The following PTPRD variants were observed in gnomAD, a reference collection of about 807,000 sequenced individuals.
PTPRD encodes the protein protein tyrosine phosphatase receptor type D.
In PTPRD, 34 loss-of-function variants were observed where a neutral mutation model predicts 214.5. The observed-to-expected ratio is 0.16, with a 90% CI of 0.12 to 0.21. PTPRD has a LOEUF of 0.21. Ranked by LOEUF, PTPRD falls within the 10% of genes least tolerant of loss-of-function variation. The pLI is 1.00. For missense variants in PTPRD, 2,545 were observed against 2,398.7 expected, an observed-to-expected ratio of 1.06 and a Z score of -1.27; for synonymous variants, 1,128 against 845.7, an observed-to-expected ratio of 1.33 and a Z score of -5.79.
intron 4 of PTPRD, among the ~76,000 whole-genome samples, chr9:9,955,908 G>T (rs2093890271): frequency 1.3e-5 from 2 of 152,114 alleles, no homozygotes; most frequent in South Asian, 4.1e-4. Context: ...TCCTGAAACA[G>T]TATCAGAAGG....
At chr9:8,968,500 C>T (rs200342081) in intron 11 of PTPRD, among the ~76,000 whole-genome samples, 7 of 151,942 alleles carry the variant, frequency 4.6e-5, no homozygotes, top group Admixed American at 2.6e-4. Flanking sequence ...TTTCTCTGAT[C>T]GCCAGTGATG....
intron 2 of PTPRD, among the ~76,000 whole-genome samples, chr9:10,495,831 C>T (rs2041877063): frequency 6.6e-6 from 1 of 151,612 alleles, no homozygotes; most frequent in African/African-American, 2.4e-5. Context: ...GTATATGTTA[C>T]ATAGAATCTG....
rs1347557801 is a variant in PTPRD, at chr9:10,277,256, AC to A, written c.-545+63706del. Among the ~76,000 whole-genome samples the A allele has an allele frequency of 1.3e-4, 20 of 152,104 alleles. 1 individual carries two copies. Among genetic ancestry groups the A allele is most frequent in the Non-Finnish European group, 2.9e-5 (2 of 67,990 alleles). On this transcript the variant is annotated intron_variant, in intron 3 of 45. Transcript: ENST00000381196. ...CATAAAACATAAACATAAAAAAAAA[AC>A]AACAAACCCTGAGTTGAGTTATAAA... is the stretch of plus-strand genomic sequence containing the variant.
intron 6 of PTPRD, among the ~76,000 whole-genome samples, chr9:9,735,186 C>G (rs2098271643): frequency 6.6e-6 from 1 of 152,048 alleles, no homozygotes; most frequent in South Asian, 2.1e-4. Flanking sequence ...AGAGGAGACC[C>G]AGCACCTGCC....
chr9:8,559,853 GGA>G (rs2085461713), intron 14 of PTPRD, among the ~76,000 whole-genome samples: 2 of 152,156 alleles, frequency 1.3e-5, no homozygotes, highest in African/African-American at 4.8e-5. Context: ...CAATGTACAT[GGA>G]TAGCTTCCAA....
chr9:9,793,647 A>T (rs2098982376), intron 5 of PTPRD, among the ~76,000 whole-genome samples: 1 of 152,082 alleles, frequency 6.6e-6, no homozygotes. Flanking sequence ...TCAAGCGGGA[A>T]AAATTTTTTA....
intron 9 of PTPRD, among the ~76,000 whole-genome samples, chr9:9,283,603 T>C (rs531421682): frequency 6.6e-6 from 1 of 151,658 alleles, no homozygotes; most frequent in East Asian, 2.0e-4. Context: ...AGTATAAGTC[T>C]GCAGCTGCCT....
intron 14 of PTPRD, among the ~76,000 whole-genome samples, chr9:8,561,490 T>A (rs1259537061): frequency 2.6e-4 from 40 of 152,098 alleles, no homozygotes; most frequent in Admixed American, 2.6e-3. Context: ...GTACAAACTA[T>A]AACACAGGTG....
intron 5 of PTPRD, among the ~76,000 whole-genome samples, chr9:9,895,944 G>T (rs189726115): frequency 6.6e-6 from 1 of 151,886 alleles, no homozygotes; most frequent in East Asian, 1.9e-4. Context: ...TATATGGCAC[G>T]TAGGTAGAAG....
In PTPRD at chr9:9,281,732, C is replaced by G. The variant is rs115587707; in HGVS notation, c.-202-98369G>C. On this transcript the variant is annotated intron_variant, in intron 9 of 45. Coordinates refer to ENST00000381196, the MANE Select transcript of PTPRD (RefSeq NM_002839.4). ...AACATATTCTTACCATATAATCTCA[C>G]AATCACACTCCTTTGTATTTACTCA... is the stretch of plus-strand genomic sequence containing the variant. 1.0e-2 allele frequency among the ~76,000 whole-genome samples: 1,507 copies of G among 151,284 alleles called. 27 individuals are homozygous for G. Among genetic ancestry groups the G allele is most frequent in the African/African-American group, 0.034 (1,396 of 41,426 alleles).
Position 8,693,083 on chromosome 9 carries a change from C to T in PTPRD, c.64+40697G>A, listed in dbSNP as rs191401996. Among the ~76,000 whole-genome samples, 745 of 152,262 alleles carry T rather than the reference C, an allele frequency of 4.9e-3. 23 individuals are homozygous for T. Among genetic ancestry groups the T allele is most frequent in the Admixed American group, 0.045 (691 of 15,296 alleles). On this transcript the variant is annotated intron_variant, in intron 12 of 45. Coordinates refer to ENST00000381196, the MANE Select transcript of PTPRD (RefSeq NM_002839.4). Reference sequence around the variant, plus strand: ...AAATGGTAACTCTATGATTGTTAGGCCTATGTGGTATTATGCGCCGGGAGT... The same window carrying T: ...AAATGGTAACTCTATGATTGTTAGGTCTATGTGGTATTATGCGCCGGGAGT...
intron 2 of PTPRD, among the ~76,000 whole-genome samples, chr9:10,612,169 C>G (rs1188372801): frequency 6.9e-6 from 1 of 144,802 alleles, no homozygotes; most frequent in Non-Finnish European, 1.5e-5. Flanking sequence ...GTAAGGCTGC[C>G]CATACTGATC....
chr9:8,935,009 A>G (rs910565146), intron 11 of PTPRD, among the ~76,000 whole-genome samples: 1 of 152,006 alleles, frequency 6.6e-6, no homozygotes, highest in Non-Finnish European at 1.5e-5. Context: ...GTGTATATAT[A>G]CTTATATATA....
rs1052021914 is a variant in PTPRD at position 9,683,087 on chromosome 9, G to T, written c.-287+51446C>A. ...ACTTAAATATAATGCTTATGGCAAGGTCATTAGGCTAAGGTTCTAGATTCT... is the reference window on the plus strand; with the variant it reads ...ACTTAAATATAATGCTTATGGCAAGTTCATTAGGCTAAGGTTCTAGATTCT... On this transcript the variant is annotated intron_variant, in intron 7 of 45. Transcript: ENST00000381196. Among the ~76,000 whole-genome samples, 4 of 151,930 alleles carry T rather than the reference G, an allele frequency of 2.6e-5. No individual in the cohort carries two copies. In the South Asian group the frequency reaches 8.3e-4, roughly 31 times the overall value.
chr9:8,404,768 C>T, intron 35 of PTPRD, 108 bp from the exon 36 acceptor site: 1 of 1,323,574 alleles, frequency 7.6e-7, no homozygotes, highest in Non-Finnish European at 1.0e-6. Context: ...ATTCTGAAGC[C>T]ATACTTCATC....
At chr9:9,444,549 C>A (rs895632442) in intron 8 of PTPRD, among the ~76,000 whole-genome samples, 1 of 152,124 alleles carries the variant, frequency 6.6e-6, no homozygotes, top group Admixed American at 6.6e-5. Flanking sequence ...CTCTAATAAA[C>A]ACAGATGTTT....
At chr9:8,436,366 C>G (rs1316017300) in intron 35 of PTPRD, among the ~76,000 whole-genome samples, 1 of 152,110 alleles carries the variant, frequency 6.6e-6, no homozygotes, top group Non-Finnish European at 1.5e-5. Context: ...AATTCATAAT[C>G]TCAGCAAGTA....
intron 10 of PTPRD, among the ~76,000 whole-genome samples, chr9:9,038,987 T>C (rs1165428022): frequency 6.6e-6 from 1 of 152,128 alleles, no homozygotes; most frequent in African/African-American, 2.4e-5. Flanking sequence ...GTAAATAGCA[T>C]AGGGTGGTGG....
intron 11 of PTPRD, among the ~76,000 whole-genome samples, chr9:8,945,615 C>G (rs1028415138): frequency 2.0e-5 from 3 of 152,056 alleles, no homozygotes; most frequent in African/African-American, 7.2e-5. Flanking sequence ...GATTCAGATT[C>G]ATGCTCTACA....
Sources: allele counts gnomAD v4.1 joint callset (sites outside exome capture counted in the v4.1 genomes callset), GRCh38; gene constraint gnomAD v4.1.1; transcripts MANE v1.5; gene names NCBI Gene and HGNC (gene_info 2026-07-23, HGNC 2026-07-21).